The following ZNF735 variants were observed in gnomAD, a reference collection of about 807,000 sequenced individuals.
The protein encoded by ZNF735 is zinc finger protein 735.
Under a neutral mutation model 13.4 loss-of-function variants are expected in ZNF735, and 11 were observed. The ratio of observed to expected loss-of-function variants is 0.82; its 90% CI spans 0.52 to 1.36. The LOEUF (loss-of-function observed/expected upper bound fraction) is 1.36, where lower values mean the gene tolerates loss of function less well. ZNF735 is among the 40% of genes most tolerant of loss of function. ZNF735 has a pLI of 0.00. For missense variants in ZNF735, 500 were observed against 484.6 expected, an observed-to-expected ratio of 1.03 and a Z score of -0.30; for synonymous variants, 171 against 162.6, an observed-to-expected ratio of 1.05 and a Z score of -0.39.
chr7:64,219,548 T>C, exon 4 of ZNF735: 1 of 1,591,270 alleles, frequency 6.3e-7, no homozygotes, highest in Non-Finnish European at 8.6e-7. Flanking sequence ...GTCAAAGTCT[T>C]CAGTAAATTT....
intron 1 of ZNF735, among the ~76,000 whole-genome samples, chr7:64,211,034 A>C (rs577873738): frequency 2.2e-4 from 33 of 152,288 alleles, no homozygotes; most frequent in Non-Finnish European, 4.0e-4. Context: ...CTGTTTGGAA[A>C]TTGCAAATTT....
intron 3 of ZNF735, among the ~76,000 whole-genome samples, chr7:64,216,628 G>A (rs1337632451): frequency 2.7e-5 from 4 of 150,350 alleles, no homozygotes; most frequent in Admixed American, 6.6e-5. Flanking sequence ...TTTTGACACA[G>A]GGTTTCTCAC....
rs560295962 is a variant in ZNF735 at position 64,217,234 on chromosome 7, A to G, written c.263-2080A>G. ...GGCTCCTCCACCTCACACTCGCATC[A>G]TCTTTCACCATGTGACATGTTTGGT... is the stretch of plus-strand genomic sequence containing the variant. On this transcript the variant is annotated intron_variant, in intron 3 of 3. Coordinates refer to ENST00000429565, the Ensembl canonical transcript of ZNF735. 6.6e-5 allele frequency among the ~76,000 whole-genome samples: 10 copies of G among 152,300 alleles called. No homozygotes were observed. The South Asian group carries it at 1.4e-3, about 22-fold the overall frequency.
intron 3 of ZNF735, among the ~76,000 whole-genome samples, chr7:64,217,065 T>C (rs1424829908): frequency 6.6e-6 from 1 of 152,212 alleles, no homozygotes; most frequent in Non-Finnish European, 1.5e-5. Context: ...AAATCTCATG[T>C]TGAAATGTAA....
chr7:64,220,081 A>G (rs767141881), exon 4 of ZNF735: 11 of 1,613,578 alleles, frequency 6.8e-6, no homozygotes, highest in Non-Finnish European at 8.5e-6. Flanking sequence ...TAAGACACAT[A>G]AGATAATTCA....
At chr7:64,217,917 T>C (rs1425060573) in intron 3 of ZNF735, among the ~76,000 whole-genome samples, 1 of 152,152 alleles carries the variant, frequency 6.6e-6, no homozygotes, top group Non-Finnish European at 1.5e-5. Context: ...TTATGATTAT[T>C]TTTATGCTTA....
exon 1 of ZNF735, chr7:64,207,231 G>A (rs764085736): frequency 1.2e-6 from 2 of 1,614,226 alleles, no homozygotes; most frequent in Admixed American, 3.3e-5. Context: ...CCCCCTGGAA[G>A]CCGAGAAATG....
At chr7:64,210,683 T>C (rs1380505759) in intron 1 of ZNF735, among the ~76,000 whole-genome samples, 1 of 152,074 alleles carries the variant, frequency 6.6e-6, no homozygotes, top group Non-Finnish European at 1.5e-5. Flanking sequence ...ATTGCTGGAG[T>C]CTGATAGGGG....
At chr7:64,208,244 GTTT>G (rs71060562) in intron 1 of ZNF735, among the ~76,000 whole-genome samples, 4,647 of 93,254 alleles carry the variant, frequency 0.05, 191 homozygotes, top group East Asian at 0.19. Context: ...TCCAATAAAT[GTTT>G]TTTTTTTTTT....
chr7:64,218,210 G>T (rs2116488360), intron 3 of ZNF735, among the ~76,000 whole-genome samples: 1 of 150,800 alleles, frequency 6.6e-6, no homozygotes, highest in African/African-American at 2.4e-5. Flanking sequence ...TCACTGTGAA[G>T]ATTTTTTTTC....
intron 1 of ZNF735, among the ~76,000 whole-genome samples, chr7:64,207,953 C>T (rs1787309000): frequency 6.6e-6 from 1 of 151,666 alleles, no homozygotes; most frequent in Admixed American, 6.6e-5. Flanking sequence ...CGCCATTGTA[C>T]TCCAGCCTGG....
exon 4 of ZNF735, chr7:64,219,438 T>G: frequency 6.2e-7 from 1 of 1,613,848 alleles, no homozygotes; most frequent in Non-Finnish European, 8.5e-7. Flanking sequence ...AAAAATGTTG[T>G]AAAAGAGTAG....
At chr7:64,217,320 G>A (rs1349677049) in intron 3 of ZNF735, among the ~76,000 whole-genome samples, 2 of 152,162 alleles carry the variant, frequency 1.3e-5, no homozygotes, top group East Asian at 3.9e-4. Context: ...AACAGATGCT[G>A]GCATATACTT....
At chr7:64,214,697 C>T (rs1169313299) in intron 3 of ZNF735, among the ~76,000 whole-genome samples, 2 of 151,580 alleles carry the variant, frequency 1.3e-5, no homozygotes, top group Non-Finnish European at 2.9e-5. Flanking sequence ...AGCAGGGTAC[C>T]TCATGTCTTC....
At chr7:64,214,832 CTCA>C (rs1267162417) in intron 3 of ZNF735, among the ~76,000 whole-genome samples, 4 of 151,036 alleles carry the variant, frequency 2.6e-5, no homozygotes, top group Admixed American at 1.3e-4. Flanking sequence ...CATCTTTTTT[CTCA>C]TCAATAACTT....
chr7:64,220,160 C>G (rs762688532), exon 4 of ZNF735: 13 of 1,612,540 alleles, frequency 8.1e-6, no homozygotes, highest in Non-Finnish European at 1.1e-5. Flanking sequence ...ACTGTAAAGG[C>G]ACATAAGAGA....
intron 3 of ZNF735, among the ~76,000 whole-genome samples, chr7:64,217,466 C>T (rs576019648): frequency 2.6e-5 from 4 of 151,540 alleles, no homozygotes; most frequent in Admixed American, 1.3e-4. Context: ...TTCAGGTTTT[C>T]TGTTTTTTTT....
chr7:64,208,244 G>GTTTTT (rs71060562), intron 1 of ZNF735, among the ~76,000 whole-genome samples: 1,659 of 92,896 alleles, frequency 0.018, 357 homozygotes, highest in East Asian at 0.024. Context: ...TCCAATAAAT[G>GTTTTT]TTTTTTTTTT....
chr7:64,213,319 C>G, intron 2 of ZNF735, 101 bp downstream of exon 2: 1 of 1,177,634 alleles, frequency 8.5e-7, no homozygotes, highest in Non-Finnish European at 1.2e-6. Context: ...TTTTAGCTCT[C>G]CGATTTAAAG....
Sources: allele counts gnomAD v4.1 joint callset (sites outside exome capture counted in the v4.1 genomes callset), GRCh38; gene constraint gnomAD v4.1.1; transcripts MANE v1.5; gene names NCBI Gene and HGNC (gene_info 2026-07-23, HGNC 2026-07-21).